CRB1: variants seen among roughly 807,000 people sequenced by gnomAD.
CRB1 encodes protein crumbs homolog 1.
CRB1 carries 83 observed loss-of-function variants against 120.0 expected under a neutral mutation model. The ratio of observed to expected loss-of-function variants is 0.69; its 90% CI spans 0.58 to 0.83. The LOEUF (loss-of-function observed/expected upper bound fraction) is 0.83, where lower values mean the gene tolerates loss of function less well. Ranked by LOEUF, CRB1 falls within the 40% of genes least tolerant of loss-of-function variation. The probability of loss-of-function intolerance (pLI) is 0.00; values close to 1 mark genes in which losing one functional copy is unlikely to be tolerated. For synonymous variants in CRB1, 625 were observed against 612.5 expected, an observed-to-expected ratio of 1.02 and a Z score of -0.30; for missense variants, 1,699 against 1,687.6, an observed-to-expected ratio of 1.01 and a Z score of -0.12.
chr1:197,312,866 A>G (rs763705971), intron 1 of CRB1, among the ~76,000 whole-genome samples: 5 of 152,160 alleles, frequency 3.3e-5, no homozygotes, highest in Admixed American at 6.5e-5. Flanking sequence ...ATTCTCTGTA[A>G]TATATCAAGT....
At chr1:197,310,810 G>A (rs971905934) in intron 1 of CRB1, among the ~76,000 whole-genome samples, 2 of 152,032 alleles carry the variant, frequency 1.3e-5, no homozygotes, top group African/African-American at 4.8e-5. Flanking sequence ...GCAGTTTAGG[G>A]GAGTAGGAAA....
chr1:197,455,145 T>G (rs916232413), intron 11 of CRB1, among the ~76,000 whole-genome samples: 1 of 152,200 alleles, frequency 6.6e-6, no homozygotes, highest in Non-Finnish European at 1.5e-5. Flanking sequence ...GATACTGTTC[T>G]GGGCAAACTA....
At chr1:197,334,539 T>C (rs1320157845) in intron 2 of CRB1, among the ~76,000 whole-genome samples, 1 of 152,188 alleles carries the variant, frequency 6.6e-6, no homozygotes, top group Non-Finnish European at 1.5e-5. Flanking sequence ...GGAACAATGT[T>C]CCTATCCTCT....
chr1:197,315,491 T>C (rs572335745), intron 1 of CRB1, among the ~76,000 whole-genome samples: 27 of 152,274 alleles, frequency 1.8e-4, no homozygotes, highest in Non-Finnish European at 3.1e-4. Flanking sequence ...AATAAACAGA[T>C]GGAAAGCAAA....
At position 197,307,902 on chromosome 1, in the gene CRB1, G is replaced by C. The variant is rs149185128; in HGVS notation, c.71-20520G>C. Among the ~76,000 whole-genome samples, 933 of 152,040 alleles carry C rather than the reference G, an allele frequency of 6.1e-3. 13 individuals carry two copies. The highest frequency in any genetic ancestry group is 0.021 in the African/African-American group (878 of 41,448). On this transcript the variant is annotated intron_variant, in intron 1 of 11. Coordinates refer to ENST00000367400, the MANE Select transcript of CRB1 (RefSeq NM_201253.3). ...AACAAGTTACTTAAACTCTCTTTTCGAGCTACCATTTAACCCAGCAATCTC... is the reference window on the plus strand; with the variant it reads ...AACAAGTTACTTAAACTCTCTTTTCCAGCTACCATTTAACCCAGCAATCTC...
At chr1:197,455,182 A>G (rs369002201) in intron 11 of CRB1, among the ~76,000 whole-genome samples, 62 of 152,160 alleles carry the variant, frequency 4.1e-4, no homozygotes, top group African/African-American at 1.4e-3. Context: ...TTACCCACCC[A>G]GGAGAATGCA....
At chr1:197,295,047 G>C (rs147014033) in intron 1 of CRB1, among the ~76,000 whole-genome samples, 1 of 151,930 alleles carries the variant, frequency 6.6e-6, no homozygotes, top group Non-Finnish European at 1.5e-5. Flanking sequence ...CTAGAACTTA[G>C]AGTATAATAA....
chr1:197,298,221 A>G (rs1415767524), intron 1 of CRB1, among the ~76,000 whole-genome samples: 1 of 152,160 alleles, frequency 6.6e-6, no homozygotes, highest in Non-Finnish European at 1.5e-5. Flanking sequence ...AAGACCCTAC[A>G]GGGAAGTAAA....
the CRB1 span, chr1:197,222,505 A>C: frequency 9.1e-6 from 7 of 768,522 alleles, no homozygotes; most frequent in African/African-American, 1.7e-5. Context: ...TACCCTTTGG[A>C]GAATGCAGTT....
chr1:197,449,621 C>T (rs1323635494), intron 11 of CRB1, among the ~76,000 whole-genome samples: 1 of 152,194 alleles, frequency 6.6e-6, no homozygotes. Flanking sequence ...CCGCCTCGGC[C>T]TCCCAAAGTG....
the CRB1 span, among the ~76,000 whole-genome samples, chr1:197,211,084 A>G: frequency 2.0e-5 from 3 of 152,240 alleles, no homozygotes; most frequent in Admixed American, 2.0e-4. Flanking sequence ...CTAATGAATT[A>G]TGTTCAACAT....
At chr1:197,316,564 A>G (rs1314073672) in intron 1 of CRB1, among the ~76,000 whole-genome samples, 1 of 152,250 alleles carries the variant, frequency 6.6e-6, no homozygotes, top group Non-Finnish European at 1.5e-5. Flanking sequence ...TTATTAATAC[A>G]CAAAGAAAGT....
At chr1:197,326,664 A>C (rs1251326195) in intron 1 of CRB1, among the ~76,000 whole-genome samples, 3 of 151,922 alleles carry the variant, frequency 2.0e-5, no homozygotes, top group South Asian at 2.1e-4. Context: ...TAATTTAAAA[A>C]TGTATAATCA....
the CRB1 span, among the ~76,000 whole-genome samples, chr1:197,262,524 T>G: frequency 2.0e-5 from 3 of 152,168 alleles, no homozygotes; most frequent in Admixed American, 2.0e-4. Context: ...ATGTATTTAT[T>G]TTTCTTTTTT....
chr1:197,329,218 A>C (rs569462568), intron 2 of CRB1, among the ~76,000 whole-genome samples: 10 of 152,186 alleles, frequency 6.6e-5, no homozygotes, highest in Non-Finnish European at 1.0e-4. Context: ...TGCTGTTTTA[A>C]ATGGAGCTCT....
At chr1:197,222,318 A>T in the CRB1 span, 1 of 713,232 alleles carries the variant, frequency 1.4e-6, no homozygotes, top group Non-Finnish European at 2.7e-6. Flanking sequence ...AAATTGGCCT[A>T]TACCGGGAGA....
chr1:197,309,219 A>G (rs1427623501), intron 1 of CRB1, among the ~76,000 whole-genome samples: 1 of 152,044 alleles, frequency 6.6e-6, no homozygotes, highest in Non-Finnish European at 1.5e-5. Context: ...TTCTATTCCT[A>G]TGTATTATTC....
At position 197,405,765 on chromosome 1, in the gene CRB1, C is replaced by T. The variant is rs1420210779; in HGVS notation, c.1172-15235C>T. ...GTGAGGAGACCCTCCGCCTGGCAACCGCCCCATCTGAGAAGTGAGGAGCCC... is the reference window on the plus strand; with the variant it reads ...GTGAGGAGACCCTCCGCCTGGCAACTGCCCCATCTGAGAAGTGAGGAGCCC... On this transcript the variant is annotated intron_variant, in intron 5 of 11. Coordinates refer to ENST00000367400, the MANE Select transcript of CRB1 (RefSeq NM_201253.3). Among the ~76,000 whole-genome samples the T allele has an allele frequency of 5.3e-5, 8 of 151,656 alleles. No individual in the cohort carries two copies. The East Asian group carries it at 5.9e-4, about 11-fold the overall frequency.
At chr1:197,309,753 A>AAAATAAATAAATAAATAAAT (rs57529093) in intron 1 of CRB1, among the ~76,000 whole-genome samples, 1 of 141,496 alleles carries the variant, frequency 7.1e-6, no homozygotes. Flanking sequence ...ACTACATCTC[A>AAAATAAATAAATAAATAAAT]AAATAAATAA....
Sources: allele counts gnomAD v4.1 joint callset (sites outside exome capture counted in the v4.1 genomes callset), GRCh38; gene constraint gnomAD v4.1.1; transcripts MANE v1.5; gene names NCBI Gene and HGNC (gene_info 2026-07-23, HGNC 2026-07-21).